Variants in GALNTL6 observed in about 807,000 individuals in gnomAD.
GALNTL6 encodes polypeptide N-acetylgalactosaminyltransferase-like 6.
GALNTL6 carries 46 observed loss-of-function variants against 73.7 expected under a neutral mutation model. The observed-to-expected ratio is 0.62, with a 90% CI of 0.49 to 0.80. GALNTL6 has a LOEUF of 0.80. Ranked by LOEUF, GALNTL6 falls within the 30% of genes least tolerant of loss-of-function variation. GALNTL6 has a pLI of 0.00. For missense variants in GALNTL6, 604 were observed against 755.0 expected (o/e 0.80, Z 2.34); for synonymous variants, 259 against 263.7 (o/e 0.98, Z 0.17).
At chr4:172,450,079 T>A (rs1173086403) in intron 5 of GALNTL6, among the ~76,000 whole-genome samples, 3 of 152,030 alleles carry the variant, frequency 2.0e-5, no homozygotes, top group African/African-American at 7.2e-5. Flanking sequence ...TAGCCAGGTG[T>A]GGTGGTACAC....
At chr4:172,375,765 A>G (rs1743005764) in intron 5 of GALNTL6, among the ~76,000 whole-genome samples, 1 of 152,168 alleles carries the variant, frequency 6.6e-6, no homozygotes, top group African/African-American at 2.4e-5. Context: ...CTGTCCTCCT[A>G]GACCACAAAG....
chr4:172,015,409 A>C (rs984796681), intron 2 of GALNTL6, among the ~76,000 whole-genome samples: 1 of 151,914 alleles, frequency 6.6e-6, no homozygotes, highest in East Asian at 1.9e-4. Context: ...ATCTTATTCC[A>C]ACCCTTTACC....
chr4:172,633,216 A>T (rs982062633), intron 5 of GALNTL6, among the ~76,000 whole-genome samples: 1 of 152,150 alleles, frequency 6.6e-6, no homozygotes, highest in Non-Finnish European at 1.5e-5. Context: ...AGATCCACCG[A>T]TAGCTTGGAC....
intron 5 of GALNTL6, among the ~76,000 whole-genome samples, chr4:172,374,155 T>C (rs1475251730): frequency 4.6e-5 from 7 of 152,216 alleles, no homozygotes; most frequent in African/African-American, 1.7e-4. Flanking sequence ...TTTTAAAGTG[T>C]CCTTGTAAAC....
intron 5 of GALNTL6, among the ~76,000 whole-genome samples, chr4:172,704,191 T>C (rs905628745): frequency 6.6e-6 from 1 of 152,028 alleles, no homozygotes; most frequent in Non-Finnish European, 1.5e-5. Flanking sequence ...CTCAATTTTA[T>C]TTATTTCTGC....
chr4:172,606,665 A>ATATATATATAC (rs1560832460), intron 5 of GALNTL6, among the ~76,000 whole-genome samples: 34 of 38,786 alleles, frequency 8.8e-4, no homozygotes, highest in South Asian at 1.7e-3. Flanking sequence ...TATATATACT[A>ATATATATATAC]TATATATATA....
chr4:172,927,275 G>C (rs568039839), intron 8 of GALNTL6, among the ~76,000 whole-genome samples: 2 of 152,196 alleles, frequency 1.3e-5, no homozygotes, highest in Non-Finnish European at 2.9e-5. Flanking sequence ...TAAATACAAA[G>C]GAGCTGGGAA....
chr4:172,811,231 T>C (rs1741282492), intron 6 of GALNTL6, among the ~76,000 whole-genome samples: 1 of 152,196 alleles, frequency 6.6e-6, no homozygotes, highest in Non-Finnish European at 1.5e-5. Context: ...GTTTGATCCC[T>C]GGAAATTGAA....
chr4:173,039,819 C>T lies in GALNTL6; in HGVS notation c.1639-114C>T, dbSNP rs888806479. The T allele has an allele frequency of 5.0e-6, 4 of 799,350 alleles. No homozygotes were observed. In the Admixed American group the frequency reaches 1.2e-4, roughly 25 times the overall value. The allele number at this position is 799,350 out of a possible 1,614,324, so 49.5% of individuals were successfully genotyped here. A position where few individuals can be genotyped will look rare whatever the true frequency, so the allele number is the denominator to read the frequency against. ...TTTGATTTGGGAGCTGTTCTATTTA[C>T]ACAATAAATATATACTGAAATATAA... On this transcript the variant is annotated intron_variant, in intron 12 of 12. Transcript: ENST00000506823.
At chr4:172,588,786 G>T (rs1221220631) in intron 5 of GALNTL6, among the ~76,000 whole-genome samples, 1 of 152,040 alleles carries the variant, frequency 6.6e-6, no homozygotes, top group East Asian at 1.9e-4. Context: ...ATCACATATC[G>T]ATATGACGTG....
chr4:172,062,687 A>T (rs1024968935), intron 2 of GALNTL6, among the ~76,000 whole-genome samples: 1 of 152,260 alleles, frequency 6.6e-6, no homozygotes, highest in Non-Finnish European at 1.5e-5. Flanking sequence ...TGCAATTCTA[A>T]GATACAACCA....
intron 2 of GALNTL6, among the ~76,000 whole-genome samples, chr4:171,954,220 A>C (rs1738978206): frequency 6.6e-6 from 1 of 152,212 alleles, no homozygotes; most frequent in Non-Finnish European, 1.5e-5. Flanking sequence ...CATTGGGTTG[A>C]TTTCATGCCA....
chr4:172,898,996 GC>G (rs1746481426), intron 8 of GALNTL6, among the ~76,000 whole-genome samples: 1 of 152,116 alleles, frequency 6.6e-6, no homozygotes, highest in African/African-American at 2.4e-5. Context: ...GGTGCATGCA[GC>G]CCCCAGTCAC....
intron 2 of GALNTL6, among the ~76,000 whole-genome samples, chr4:172,073,455 G>T (rs1206976981): frequency 6.6e-6 from 1 of 152,192 alleles, no homozygotes; most frequent in East Asian, 1.9e-4. Flanking sequence ...AAGAGAAGCA[G>T]TATTCAGGTT....
intron 4 of GALNTL6, among the ~76,000 whole-genome samples, chr4:172,334,094 AC>A (rs753188558): frequency 1.2e-4 from 18 of 152,000 alleles, no homozygotes; most frequent in Non-Finnish European, 2.4e-4. Flanking sequence ...GGGTTACGAT[AC>A]CTTGGTTACT....
At chr4:172,115,571 T>C (rs1006216351) in intron 2 of GALNTL6, among the ~76,000 whole-genome samples, 2 of 152,124 alleles carry the variant, frequency 1.3e-5, no homozygotes, top group African/African-American at 4.8e-5. Context: ...TGTATGTAAA[T>C]AGAAATATGT....
chr4:171,988,798 G>A (rs1255905172), intron 2 of GALNTL6, among the ~76,000 whole-genome samples: 2 of 152,060 alleles, frequency 1.3e-5, no homozygotes, highest in African/African-American at 2.4e-5. Context: ...GGGTAAGAGT[G>A]ATTAAGTTTT....
At chr4:172,019,436 T>C (rs1408043177) in intron 2 of GALNTL6, among the ~76,000 whole-genome samples, 1 of 151,806 alleles carries the variant, frequency 6.6e-6, no homozygotes, top group African/African-American at 2.4e-5. Flanking sequence ...ACTTCACCTA[T>C]AAAGTTACAA....
At chr4:172,623,957 G>A (rs962360618) in intron 5 of GALNTL6, among the ~76,000 whole-genome samples, 2 of 152,010 alleles carry the variant, frequency 1.3e-5, no homozygotes, top group African/African-American at 4.8e-5. Context: ...AATTCATCCA[G>A]TATAAATTAC....
Sources: allele counts gnomAD v4.1 joint callset (sites outside exome capture counted in the v4.1 genomes callset), GRCh38; gene constraint gnomAD v4.1.1; transcripts MANE v1.5; gene names NCBI Gene and HGNC (gene_info 2026-07-23, HGNC 2026-07-21).